The following HVCN1 variants were observed in gnomAD, a reference collection of about 807,000 sequenced individuals.
HVCN1 encodes the protein voltage-gated hydrogen channel 1.
Under a neutral mutation model 29.2 loss-of-function variants are expected in HVCN1, and 14 were observed. That is an observed-to-expected ratio of 0.48 (90% CI 0.32 to 0.75). The LOEUF is 0.75. Ranked by LOEUF, HVCN1 falls within the 30% of genes least tolerant of loss-of-function variation. HVCN1 has a pLI of 0.04. For synonymous variants in HVCN1, 131 were observed against 133.2 expected (o/e 0.98, Z 0.11); for missense variants, 263 against 341.8 (o/e 0.77, Z 1.82).
chr12:110,685,854 T>A (rs529929569), intron 2 of HVCN1, among the ~76,000 whole-genome samples: 2 of 152,208 alleles, frequency 1.3e-5, no homozygotes, highest in African/African-American at 4.8e-5. Context: ...CAAGTCCAGC[T>A]AATTTTTGTA....
At chr12:110,699,932 C>A (rs1308022539) in intron 2 of HVCN1, among the ~76,000 whole-genome samples, 1 of 151,906 alleles carries the variant, frequency 6.6e-6, no homozygotes, top group Non-Finnish European at 1.5e-5. Flanking sequence ...GTGGCAGGGA[C>A]CCCCCGCTCT....
intron 3 of HVCN1, among the ~76,000 whole-genome samples, chr12:110,669,127 C>T (rs891147792): frequency 8.5e-5 from 13 of 152,098 alleles, no homozygotes; most frequent in Non-Finnish European, 1.6e-4. Context: ...TGATTTCTTA[C>T]CTTTCTCTCC....
At chr12:110,665,002 C>T (rs746016886) in intron 3 of HVCN1, among the ~76,000 whole-genome samples, 1 of 152,090 alleles carries the variant, frequency 6.6e-6, no homozygotes, top group Non-Finnish European at 1.5e-5. Context: ...AAAAATCATG[C>T]CTTATGAGTA....
intron 3 of HVCN1, among the ~76,000 whole-genome samples, chr12:110,670,273 T>C (rs1262150604): frequency 3.3e-5 from 5 of 152,168 alleles, no homozygotes; most frequent in Non-Finnish European, 7.3e-5. Flanking sequence ...TAGTTCATTG[T>C]TATCTGACAA....
chr12:110,678,512 A>G (rs767220436), intron 3 of HVCN1, among the ~76,000 whole-genome samples: 9 of 124,774 alleles, frequency 7.2e-5, no homozygotes, highest in Non-Finnish European at 1.2e-4. Context: ...GGGCAGTGGC[A>G]TGATTAGGAC....
At chr12:110,679,318 G>T (rs569051471) in intron 3 of HVCN1, among the ~76,000 whole-genome samples, 1 of 152,188 alleles carries the variant, frequency 6.6e-6, no homozygotes, top group Non-Finnish European at 1.5e-5. Flanking sequence ...GAGCTGCAGG[G>T]ATTTCCACAC....
upstream of HVCN1, among the ~76,000 whole-genome samples, chr12:110,693,566 A>G (rs551689020): frequency 8.5e-5 from 13 of 152,104 alleles, no homozygotes; most frequent in Non-Finnish European, 1.3e-4. Flanking sequence ...AAAACGGAAA[A>G]AAAAACCCAC....
At chr12:110,681,266 T>TG (rs1163098768) in intron 3 of HVCN1, among the ~76,000 whole-genome samples, 2 of 152,218 alleles carry the variant, frequency 1.3e-5, no homozygotes, top group Non-Finnish European at 2.9e-5. Flanking sequence ...TGTTGTCTCA[T>TG]GTGCTAAGAA....
rs2136391305 is a variant in HVCN1, at chr12:110,676,100, C to G, written c.21+7125G>C. On this transcript the variant is annotated intron_variant, in intron 3 of 7. Coordinates refer to ENST00000242607, the MANE Select transcript of HVCN1 (RefSeq NM_032369.4). This position sits in a 1 kb window ranked among gnomAD's most constrained non-coding sequence, Gnocchi z 4.1. ...GGGTCTTAACACCACCCAGGCAGGG[C>G]CAGAGCGGCTGTCCCCAGTCCTAGC... Among the ~76,000 whole-genome samples, 1 of 152,232 alleles carries G rather than the reference C, an allele frequency of 6.6e-6. No individual in the cohort carries two copies. Among genetic ancestry groups the G allele is most frequent in the South Asian group, 2.1e-4 (1 of 4,824 alleles).
In HVCN1 at chr12:110,661,304, GCTC is replaced by G. The variant is rs760596387; in HGVS notation, c.163_165del (p.Glu55del). 1.8e-5 allele frequency: 29 copies of G among 1,608,852 alleles called. No homozygotes were observed. Among genetic ancestry groups the G allele is most frequent in the Middle Eastern group, 1.7e-4 (1 of 6,052 alleles). On this transcript the variant is annotated inframe_deletion, in exon 4 of 8. Transcript: ENST00000242607. This position sits in a 1 kb window ranked among gnomAD's most constrained non-coding sequence, Gnocchi z 6.2. ...CCTGAGACTGGTGTGGGTGGTGGCTGCTCCTCCTCCTCCTCCTCCTCTTCATTC... is the reference window on the plus strand; with the variant it reads ...CCTGAGACTGGTGTGGGTGGTGGCTGCTCCTCCTCCTCCTCCTCTTCATTC...
chr12:110,688,467 G>T (rs2069283505), intron 2 of HVCN1, 158 bp downstream of exon 2: 1 of 152,408 alleles, frequency 6.6e-6, no homozygotes, highest in Non-Finnish European at 1.5e-5. Context: ...GGAAGAGTTT[G>T]CTTCCCCGGG....
intron 5 of HVCN1, among the ~76,000 whole-genome samples, chr12:110,652,873 C>T (rs111610754): frequency 1.5e-4 from 23 of 152,274 alleles, no homozygotes; most frequent in African/African-American, 4.3e-4. Context: ...ACCACTGCAA[C>T]GGGAAAAATG....
chr12:110,674,124 C>T (rs113579420), intron 3 of HVCN1, among the ~76,000 whole-genome samples: 151 of 152,380 alleles, frequency 9.9e-4, no homozygotes, highest in African/African-American at 3.4e-3. Flanking sequence ...TGGGAACCTA[C>T]CTCTTGCATC....
rs2068747761 is a variant in HVCN1, at chr12:110,676,244, CT to C, written c.21+6980del. ...CTCTGCCACTGCCCTGGCCAACCCCCTGCCTCACTTGGAGGCTGTCGCAGCT... is the reference window on the plus strand; with the variant it reads ...CTCTGCCACTGCCCTGGCCAACCCCCGCCTCACTTGGAGGCTGTCGCAGCT... On this transcript the variant is annotated intron_variant, in intron 3 of 7. Coordinates refer to ENST00000242607, the MANE Select transcript of HVCN1 (RefSeq NM_032369.4). This position sits in a 1 kb window ranked among gnomAD's most constrained non-coding sequence, Gnocchi z 4.1. 6.6e-6 allele frequency among the ~76,000 whole-genome samples: 1 copy of C among 152,226 alleles called. No homozygotes were observed. Among genetic ancestry groups the C allele is most frequent in the South Asian group, 2.1e-4 (1 of 4,836 alleles).
intron 3 of HVCN1, among the ~76,000 whole-genome samples, chr12:110,673,079 G>C (rs2068637270): frequency 6.6e-6 from 1 of 152,230 alleles, no homozygotes; most frequent in African/African-American, 2.4e-5. Flanking sequence ...CTCAGAAGAA[G>C]ACAGGGAAGT....
At chr12:110,664,853 G>A (rs1353765134) in intron 3 of HVCN1, among the ~76,000 whole-genome samples, 2 of 152,022 alleles carry the variant, frequency 1.3e-5, no homozygotes, top group African/African-American at 4.8e-5. Context: ...ATAACTTTCA[G>A]GAAAAAAACT....
rs1213647098 is a variant in HVCN1, at chr12:110,658,950, G to T, written c.306+2214C>A. On this transcript the variant is annotated intron_variant, in intron 4 of 7. Coordinates refer to ENST00000242607, the MANE Select transcript of HVCN1 (RefSeq NM_032369.4). This position sits in a 1 kb window ranked among gnomAD's most constrained non-coding sequence, Gnocchi z 5.0. ...TCCCCAGCCCTAAGCCCAGGCAGGAGGGGGATATCCTGATGGGGCGGCCCA... is the reference window on the plus strand; with the variant it reads ...TCCCCAGCCCTAAGCCCAGGCAGGATGGGGATATCCTGATGGGGCGGCCCA... 2.0e-5 allele frequency among the ~76,000 whole-genome samples: 3 copies of T among 152,218 alleles called. No individual in the cohort carries two copies. The highest frequency in any genetic ancestry group is 7.2e-5 in the African/African-American group (3 of 41,460).
upstream of HVCN1, among the ~76,000 whole-genome samples, chr12:110,692,817 G>A (rs1335571574): frequency 6.6e-6 from 1 of 152,022 alleles, no homozygotes; most frequent in Non-Finnish European, 1.5e-5. Context: ...TAACTTGGGT[G>A]GGAAAAAAAT....
intron 2 of HVCN1, among the ~76,000 whole-genome samples, chr12:110,685,788 C>T (rs1464717811): frequency 6.6e-6 from 1 of 152,062 alleles, no homozygotes; most frequent in Non-Finnish European, 1.5e-5. Flanking sequence ...ATCCTGGACT[C>T]AAGCGATCCT....
Sources: gnomAD v4.1 joint callset for allele counts (sites outside exome capture counted in the v4.1 genomes callset) on GRCh38, gnomAD v4.1.1 for gene constraint, Gnocchi (gnomAD v3.1) non-coding constraint, MANE v1.5 for transcripts, NCBI Gene and HGNC (gene_info 2026-07-23, HGNC 2026-07-21) for gene names.